The following TTC7B variants were observed in gnomAD, a reference collection of about 807,000 sequenced individuals.
TTC7B encodes tetratricopeptide repeat domain 7B, also known as tetratricopeptide repeat protein 7B.
In TTC7B, 28 loss-of-function variants were observed where a neutral mutation model predicts 106.8. The ratio of observed to expected loss-of-function variants is 0.26; its 90% confidence interval spans 0.19 to 0.36. The LOEUF is 0.36. Ranked by LOEUF, TTC7B falls within the 10% of genes least tolerant of loss-of-function variation. The pLI, the probability that TTC7B is intolerant of heterozygous loss-of-function variation, is 1.00. For synonymous variants in TTC7B, 405 were observed against 430.6 expected (o/e 0.94, Z 0.74); for missense variants, 862 against 1,076.4 (o/e 0.80, Z 2.79).
intron 3 of TTC7B, among the ~76,000 whole-genome samples, chr14:90,772,353 TTTAG>T (rs1235183733): frequency 6.6e-6 from 1 of 152,164 alleles, no homozygotes; most frequent in Non-Finnish European, 1.5e-5. Flanking sequence ...AAATAGAGGC[TTTAG>T]TTAAATAGAT....
rs2139784558 is a variant in TTC7B at position 90,561,495 on chromosome 14, A to C, written c.2310+16611T>G. ...ACGCTTCACATTTCTCCTGAGAACC[A>C]AGGTGCGGCATTTGTTGTTAGACAC... On this transcript the variant is annotated intron_variant, in intron 19 of 19. Coordinates refer to ENST00000328459, the MANE Select transcript of TTC7B (RefSeq NM_001010854.2). Among the ~76,000 whole-genome samples, 2 of 152,312 alleles carry C rather than the reference A, an allele frequency of 1.3e-5. 1 individual carries two copies.
At chr14:90,573,308 A>T (rs952158211) in intron 19 of TTC7B, among the ~76,000 whole-genome samples, 1 of 151,794 alleles carries the variant, frequency 6.6e-6, no homozygotes, top group Non-Finnish European at 1.5e-5. Flanking sequence ...GCTCCATCTC[A>T]CTGCTGTCCC....
chr14:90,799,904 A>G (rs577321685), intron 1 of TTC7B, among the ~76,000 whole-genome samples: 2 of 152,122 alleles, frequency 1.3e-5, no homozygotes, highest in South Asian at 4.2e-4. Context: ...ATCTCGGCTC[A>G]CTGCAACCTC....
At chr14:90,681,875 GTTGT>G (rs1481316257) in intron 7 of TTC7B, among the ~76,000 whole-genome samples, 2 of 54,826 alleles carry the variant, frequency 3.6e-5, no homozygotes, top group Non-Finnish European at 7.6e-5. Flanking sequence ...TGTTGTTGTT[GTTGT>G]TGTGTGTGTG....
At chr14:90,548,750 C>T (rs1373385358) in intron 19 of TTC7B, among the ~76,000 whole-genome samples, 1 of 152,208 alleles carries the variant, frequency 6.6e-6, no homozygotes, top group Non-Finnish European at 1.5e-5. Context: ...TTTAAAGCTA[C>T]CACAGACTGA....
chr14:90,708,748 A>C (rs1888314945), intron 5 of TTC7B, among the ~76,000 whole-genome samples: 1 of 152,244 alleles, frequency 6.6e-6, no homozygotes. Flanking sequence ...CTTACTGTTT[A>C]CCATAGATAG....
At chr14:90,606,725 A>G (rs1036754156) in intron 17 of TTC7B, among the ~76,000 whole-genome samples, 1 of 152,176 alleles carries the variant, frequency 6.6e-6, no homozygotes, top group Non-Finnish European at 1.5e-5. Flanking sequence ...TTTTAGTTTG[A>G]CATGTCTGTT....
intron 19 of TTC7B, among the ~76,000 whole-genome samples, chr14:90,555,881 G>A (rs1361456820): frequency 6.6e-6 from 1 of 152,224 alleles, no homozygotes; most frequent in Non-Finnish European, 1.5e-5. Flanking sequence ...TCACACTTGT[G>A]TCCATGCACC....
chr14:90,626,647 AC>A (rs1350878133), intron 15 of TTC7B, among the ~76,000 whole-genome samples: 2 of 152,176 alleles, frequency 1.3e-5, no homozygotes, highest in East Asian at 3.9e-4. Flanking sequence ...GCAAATTCAA[AC>A]TTTTTTGAAA....
rs1307859378 is a variant in TTC7B, at chr14:90,802,984, A to AT, written c.121+13190dup. ...CCATCTCTGCTAAAAAAAAAAAAAA[A>AT]TACAAAAAATTAGCTGGATGTGGTG... On this transcript the variant is annotated intron_variant, in intron 1 of 19. Coordinates refer to ENST00000328459, the MANE Select transcript of TTC7B (RefSeq NM_001010854.2). This position sits in a 1 kb window ranked among gnomAD's most constrained non-coding sequence, Gnocchi z 4.7. Among the ~76,000 whole-genome samples, 1 of 150,770 alleles carries AT rather than the reference A, an allele frequency of 6.6e-6. No individual in the cohort carries two copies. The highest frequency in any genetic ancestry group is 2.4e-5 in the African/African-American group (1 of 41,092).
intron 15 of TTC7B, among the ~76,000 whole-genome samples, chr14:90,643,533 C>T (rs1225493926): frequency 6.6e-6 from 1 of 151,986 alleles, no homozygotes; most frequent in African/African-American, 2.4e-5. Context: ...ATAAGGATGA[C>T]CTTATGTTAG....
At chr14:90,679,929 G>A (rs887409211) in intron 8 of TTC7B, among the ~76,000 whole-genome samples, 1 of 152,224 alleles carries the variant, frequency 6.6e-6, no homozygotes, top group Non-Finnish European at 1.5e-5. Flanking sequence ...GAGCTCTCAC[G>A]GCCTGGGACT....
chr14:90,607,452 C>T (rs767229094), intron 17 of TTC7B, among the ~76,000 whole-genome samples: 40 of 152,202 alleles, frequency 2.6e-4, no homozygotes, highest in Admixed American at 6.5e-4. Context: ...AGCTGCCACC[C>T]GCCAGGGCTG....
chr14:90,635,805 A>G (rs544193882), intron 15 of TTC7B, among the ~76,000 whole-genome samples: 2 of 150,380 alleles, frequency 1.3e-5, no homozygotes, highest in African/African-American at 2.4e-5. Context: ...GCAGAAGAGT[A>G]CATCCAAAAC....
chr14:90,761,174 A>G (rs1027333385), intron 3 of TTC7B, among the ~76,000 whole-genome samples: 2 of 122,810 alleles, frequency 1.6e-5, no homozygotes, highest in Admixed American at 7.4e-5. Flanking sequence ...TCAACTGCCA[A>G]TGAAGGACCA....
chr14:90,555,257 G>A (rs892460569), intron 19 of TTC7B, among the ~76,000 whole-genome samples: 2 of 152,192 alleles, frequency 1.3e-5, no homozygotes, highest in African/African-American at 2.4e-5. Flanking sequence ...GAGAAGCTCC[G>A]AGGACATGAG....
At chr14:90,595,057 G>A (rs1892148550) in intron 17 of TTC7B, among the ~76,000 whole-genome samples, 1 of 152,222 alleles carries the variant, frequency 6.6e-6, no homozygotes, top group South Asian at 2.1e-4. Flanking sequence ...CTAGTGGCCG[G>A]GCGCGGTGGC....
At chr14:90,606,925 G>A (rs1181698941) in intron 17 of TTC7B, among the ~76,000 whole-genome samples, 7 of 152,130 alleles carry the variant, frequency 4.6e-5, no homozygotes, top group Non-Finnish European at 1.0e-4. Flanking sequence ...AAGGACCCAG[G>A]ATATATAATA....
At chr14:90,724,558 T>G (rs1889017455) in intron 5 of TTC7B, among the ~76,000 whole-genome samples, 1 of 152,160 alleles carries the variant, frequency 6.6e-6, no homozygotes, top group South Asian at 2.1e-4. Context: ...TAAAAGTATG[T>G]GGCACCCTGC....
Sources: allele counts gnomAD v4.1 joint callset (sites outside exome capture counted in the v4.1 genomes callset), GRCh38; gene constraint gnomAD v4.1.1; non-coding constraint Gnocchi (gnomAD v3.1); transcripts MANE v1.5; gene names NCBI Gene and HGNC (gene_info 2026-07-23, HGNC 2026-07-21).